MTMR8: variants seen among roughly 807,000 people sequenced by gnomAD.
The protein encoded by MTMR8 is phosphatidylinositol-3,5-bisphosphate 3-phosphatase MTMR8.
In MTMR8, 65 loss-of-function variants were observed where a neutral mutation model predicts 39.3. The ratio of observed to expected loss-of-function variants is 1.65; its 90% confidence interval spans 1.35 to 2.03. MTMR8 has a LOEUF of 2.03. MTMR8 is among the 30% of genes most tolerant of loss of function. MTMR8 has a pLI of 0.00. For synonymous variants in MTMR8, 245 were observed against 185.2 expected (o/e 1.32, Z -2.62); for missense variants, 777 against 538.9 (o/e 1.44, Z -4.37).
In MTMR8 at chrX:64,358,375, C is replaced by T. The variant is rs138717051; in HGVS notation, c.147+1030G>A. 6.8e-3 allele frequency among the ~76,000 whole-genome samples: 763 copies of T among 111,796 alleles called. 1 individual carries two copies. Among genetic ancestry groups the T allele is most frequent in the Middle Eastern group, 0.032 (7 of 216 alleles). ...AGTTTTAAAAGGAAGTATTAAGATACTTCTTTCATGTGCATACTCAATTCA... is the reference window on the plus strand; with the variant it reads ...AGTTTTAAAAGGAAGTATTAAGATATTTCTTTCATGTGCATACTCAATTCA... On this transcript the variant is annotated intron_variant, in intron 2 of 13. Transcript: ENST00000374852.
intron 9 of MTMR8, 65 bp from the exon 10 acceptor site, chrX:64,336,193 C>T: frequency 1.3e-6 from 1 of 790,221 alleles, no homozygotes. Flanking sequence ...ACCATACACA[C>T]AAGAATGTCA....
chrX:64,391,029 T>G, intron 1 of MTMR8, among the ~76,000 whole-genome samples: 1 of 112,224 alleles, frequency 8.9e-6, no homozygotes, highest in Non-Finnish European at 1.9e-5. Flanking sequence ...ATCATCACAA[T>G]GTAATTTTAG....
intron 12 of MTMR8, among the ~76,000 whole-genome samples, chrX:64,313,539 G>C (rs560463618): frequency 8.0e-5 from 9 of 112,686 alleles, no homozygotes; most frequent in South Asian, 3.6e-4. Flanking sequence ...AACTTGGGCT[G>C]TTTGGTGCAA....
At chrX:64,362,324 G>A (rs1228056521) in intron 1 of MTMR8, among the ~76,000 whole-genome samples, 4 of 105,382 alleles carry the variant, frequency 3.8e-5, no homozygotes, top group African/African-American at 1.4e-4. Flanking sequence ...AATTTACATA[G>A]AAGAACAAAA....
intron 13 of MTMR8, 31 bp downstream of exon 13, chrX:64,270,915 AG>A (rs1316125426): frequency 8.3e-7 from 1 of 1,198,663 alleles, no homozygotes; most frequent in Admixed American, 2.2e-5. Context: ...AGAAGGGGCA[AG>A]AAGATCTCTC....
chrX:64,339,368 C>T (rs1196211242), intron 8 of MTMR8, among the ~76,000 whole-genome samples: 1 of 110,894 alleles, frequency 9.0e-6, no homozygotes, highest in Non-Finnish European at 1.9e-5. Context: ...GTGAACTGTG[C>T]CAAACACAAC....
chrX:64,344,692 T>C (rs1405221522), intron 7 of MTMR8, among the ~76,000 whole-genome samples: 1 of 111,681 alleles, frequency 9.0e-6, no homozygotes, highest in Non-Finnish European at 1.9e-5. Flanking sequence ...AGATAATTTC[T>C]TACCTTAAGG....
Position 64,336,116 on chromosome X carries a change from T to A in MTMR8, c.1114A>T (p.Lys372Ter). The change falls in exon 10 of 14, where the codon AAG becomes TAG. Residue 372 changes from lysine to a stop codon, truncating the protein, a stop_gained. Coordinates refer to ENST00000374852, the MANE Select transcript of MTMR8 (RefSeq NM_017677.4). LOFTEE classifies it high-confidence loss of function. ...TFKGLMILIE[K>*]EWISMGHKFS... The stretch of plus-strand genomic sequence containing the variant: ...TTGTGGCCCATGGATATCCATTCCT[T>A]CTCTATCAAGATCTTCATTTTATAG... The A allele has an allele frequency of 8.4e-7, 1 of 1,191,395 alleles. No individual in the cohort carries two copies. The highest frequency in any genetic ancestry group is 1.1e-6 in the Non-Finnish European group (1 of 883,098).
chrX:64,395,328 T>C lies in MTMR8; in HGVS notation c.24+12A>G. The stretch of plus-strand genomic sequence containing the variant: ...CTCGCGGCTGTCAGCCTCGCTTAAC[T>C]CTTCTCCTTACCTTGGGTACCGTAA... On this transcript the variant is annotated intron_variant, in intron 1 of 13. Transcript: ENST00000374852. 1 of 1,210,235 alleles carries C rather than the reference T, an allele frequency of 8.3e-7. No individual in the cohort carries two copies. Among genetic ancestry groups the C allele is most frequent in the Non-Finnish European group, 1.1e-6 (1 of 894,644 alleles).
At chrX:64,328,404 T>C (rs1352513119) in intron 12 of MTMR8, among the ~76,000 whole-genome samples, 1 of 111,660 alleles carries the variant, frequency 9.0e-6, no homozygotes, top group African/African-American at 3.2e-5. Context: ...TGGAAAAATA[T>C]AGCAAACATT....
At chrX:64,380,387 C>A (rs189869887) in intron 1 of MTMR8, among the ~76,000 whole-genome samples, 1 of 112,597 alleles carries the variant, frequency 8.9e-6, no homozygotes, top group Admixed American at 9.4e-5. Context: ...GGGCTATATG[C>A]CAGGGGAGAT....
chrX:64,353,175 G>A (rs1437833912), intron 4 of MTMR8, among the ~76,000 whole-genome samples: 2 of 111,968 alleles, frequency 1.8e-5, no homozygotes, highest in Admixed American at 1.9e-4. Context: ...TTAGGATATT[G>A]GTCTGGGCAA....
chrX:64,350,100 A>C, intron 4 of MTMR8, 30 bp from the exon 5 acceptor site: 1 of 841,235 alleles, frequency 1.2e-6, no homozygotes, highest in Non-Finnish European at 1.5e-6. Context: ...ATATATATAA[A>C]TATATATTTA....
At chrX:64,384,395 G>A (rs959085829) in intron 1 of MTMR8, among the ~76,000 whole-genome samples, 1 of 111,605 alleles carries the variant, frequency 9.0e-6, no homozygotes, top group Admixed American at 9.5e-5. Context: ...CCACTAGGTA[G>A]TGCCCTGGTG....
At chrX:64,394,458 A>T (rs370409896) in intron 1 of MTMR8, among the ~76,000 whole-genome samples, 15 of 111,931 alleles carry the variant, frequency 1.3e-4, no homozygotes, top group East Asian at 1.1e-3. Flanking sequence ...TCCATTAAAA[A>T]CACGCTGGAT....
rs746078951 is a variant in MTMR8 at position 64,268,628 on chromosome X, G to T, written c.2024C>A (p.Ala675Asp). The stretch of plus-strand genomic sequence containing the variant: ...GCCCATGTCCCCAGAGAAACCCCTG[G>T]CCTCAGAAATACCCAAGTTTCCAGA... ...GISGNLGISE[A>D]RGFSGDMGIL... Residue 675 changes from alanine (A) to aspartate (D), a missense_variant, in exon 14 of 14, where the codon GCC (alanine) becomes GAC (aspartate). Physicochemically the swap from Ala to Asp is moderately radical, Grantham distance 126 (BLOSUM62 -2). Coordinates refer to ENST00000374852, the MANE Select transcript of MTMR8 (RefSeq NM_017677.4). The T allele has an allele frequency of 8.3e-7, 1 of 1,209,576 alleles. No homozygotes were observed. The highest frequency in any genetic ancestry group is 2.2e-5 in the Admixed American group (1 of 45,709).
At position 64,328,814 on chromosome X, in the gene MTMR8, A is replaced by G. The variant is rs1278350025; in HGVS notation, c.1439T>C (p.Met480Thr). Residue 480 changes from methionine to threonine, a missense_variant, in exon 12 of 14, where the codon ATG becomes ACG. Coordinates refer to ENST00000374852, the MANE Select transcript of MTMR8 (RefSeq NM_017677.4). ...FRNPLYKGFT[M>T]YGVLNPSTVP... The stretch of plus-strand genomic sequence containing the variant: ...AGTACTAGGATTGAGTACCCCATAC[A>G]TAGTGAAGCCTTTATAGAGAGGGTT... 1 of 1,201,472 alleles carries G rather than the reference A, an allele frequency of 8.3e-7. No homozygotes were observed. Among genetic ancestry groups the G allele is most frequent in the East Asian group, 3.0e-5 (1 of 33,618 alleles).
intron 1 of MTMR8, among the ~76,000 whole-genome samples, chrX:64,387,273 A>T (rs974194830): frequency 6.3e-5 from 7 of 111,134 alleles, no homozygotes; most frequent in African/African-American, 2.3e-4. Context: ...AGAGATCCTT[A>T]TGCAGTCCTG....
At chrX:64,370,434 T>C (rs1364682687) in intron 1 of MTMR8, among the ~76,000 whole-genome samples, 1 of 110,681 alleles carries the variant, frequency 9.0e-6, no homozygotes, top group Non-Finnish European at 1.9e-5. Flanking sequence ...AGCCCAATGA[T>C]CTTTTCATTC....
Sources: gnomAD v4.1 joint callset for allele counts (sites outside exome capture counted in the v4.1 genomes callset) on GRCh38, gnomAD v4.1.1 for gene constraint, MANE v1.5 for transcripts, NCBI Gene and HGNC (gene_info 2026-07-23, HGNC 2026-07-21) for gene names.